Variants in SAMD8 observed in about 807,000 individuals in gnomAD.
SAMD8 encodes the protein sterile alpha motif domain containing 8, also known as sphingomyelin synthase-related protein 1.
In SAMD8, 20 loss-of-function variants were observed where a neutral mutation model predicts 42.0. The observed-to-expected ratio is 0.48, with a 90% CI of 0.34 to 0.69. The LOEUF (loss-of-function observed/expected upper bound fraction) is 0.69, where lower values mean the gene tolerates loss of function less well. Ranked by LOEUF, SAMD8 falls within the 30% of genes least tolerant of loss-of-function variation. The probability of loss-of-function intolerance (pLI) is 0.01; values close to 1 mark genes in which losing one functional copy is unlikely to be tolerated. For missense variants in SAMD8, 328 were observed against 511.6 expected (o/e 0.64, Z 3.46); for synonymous variants, 162 against 173.0 (o/e 0.94, Z 0.50).
intron 2 of SAMD8, among the ~76,000 whole-genome samples, chr10:75,156,168 C>T (rs1188436279): frequency 1.3e-5 from 2 of 152,166 alleles, no homozygotes; most frequent in Non-Finnish European, 2.9e-5. Context: ...TGTGATCATG[C>T]CACTGCACTC....
intron 3 of SAMD8, among the ~76,000 whole-genome samples, 170 bp downstream of exon 3, chr10:75,164,910 A>T (rs1285539075): frequency 6.6e-6 from 1 of 152,246 alleles, no homozygotes; most frequent in Non-Finnish European, 1.5e-5. Context: ...AGCCTAAGAT[A>T]ATATCTACAT....
At chr10:75,109,152 A>C (rs757442221), upstream of SAMD8, 1 of 1,589,560 alleles carries the variant, frequency 6.3e-7, no homozygotes, top group Non-Finnish European at 8.6e-7. Context: ...GAGAGGTCTC[A>C]GCCATGGGCC....
intron 2 of SAMD8, 129 bp from the exon 3 acceptor site, chr10:75,164,516 C>CA: frequency 7.2e-7 from 1 of 1,396,724 alleles, no homozygotes; most frequent in South Asian, 1.7e-5. Context: ...CTCCAAATAT[C>CA]ATTTTCTGTA....
intron 4 of SAMD8, among the ~76,000 whole-genome samples, chr10:75,172,760 T>G (rs912883574): frequency 1.3e-5 from 2 of 152,026 alleles, no homozygotes; most frequent in Admixed American, 1.3e-4. Flanking sequence ...CCTCCGAAAG[T>G]GCTGGGATTA....
intron 1 of SAMD8, among the ~76,000 whole-genome samples, chr10:75,103,225 G>C (rs1291331024): frequency 6.6e-6 from 1 of 152,346 alleles, no homozygotes; most frequent in East Asian, 1.9e-4. Context: ...CATGTAAACT[G>C]GTGGCATTGC....
intron 1 of SAMD8, among the ~76,000 whole-genome samples, chr10:75,144,562 G>GA (rs1840092350): frequency 6.6e-6 from 1 of 152,118 alleles, no homozygotes; most frequent in Admixed American, 6.5e-5. Flanking sequence ...CCATGTTGTA[G>GA]CATGCGTCAG....
chr10:75,125,866 G>A (rs1473224834), intron 1 of SAMD8: 1 of 152,172 alleles, frequency 6.6e-6, no homozygotes, highest in Non-Finnish European at 1.5e-5. Flanking sequence ...ACCAAAGTCC[G>A]TATAAGGAGC....
chr10:75,170,240 A>G (rs900554856), intron 4 of SAMD8, among the ~76,000 whole-genome samples: 1 of 152,234 alleles, frequency 6.6e-6, no homozygotes, highest in African/African-American at 2.4e-5. Context: ...CTATGCTTTA[A>G]TTCTGTGTTC....
intron 3 of SAMD8, 57 bp from the exon 4 acceptor site, chr10:75,168,484 G>A: frequency 3.8e-6 from 6 of 1,592,236 alleles, no homozygotes; most frequent in Non-Finnish European, 5.1e-6. Flanking sequence ...TTGATGCCTG[G>A]GGTTTTTTGG....
intron 1 of SAMD8, among the ~76,000 whole-genome samples, chr10:75,121,478 A>G (rs575382646): frequency 6.6e-6 from 1 of 152,294 alleles, no homozygotes; most frequent in African/African-American, 2.4e-5. Flanking sequence ...ACAAAACACA[A>G]CACGTTTAAT....
In SAMD8 at chr10:75,144,030, C is replaced by T. The variant is rs192233091; in HGVS notation, c.-15-6484C>T. On this transcript the variant is annotated intron_variant, in intron 1 of 5. Transcript: ENST00000542569. ...TCACCCAGGCTGAAGTGCAGTGGCA[C>T]GATCTCGGCTCACTGCAACCTCTGC... Among the ~76,000 whole-genome samples, 740 of 150,320 alleles carry T rather than the reference C, an allele frequency of 4.9e-3. 3 individuals carry two copies. Among genetic ancestry groups the T allele is most frequent in the African/African-American group, 0.017 (701 of 40,844 alleles).
At chr10:75,172,303 C>T (rs1184990691) in intron 4 of SAMD8, among the ~76,000 whole-genome samples, 2 of 151,954 alleles carry the variant, frequency 1.3e-5, no homozygotes, top group East Asian at 3.9e-4. Flanking sequence ...AAATAGTATT[C>T]TAGTTGATTA....
At chr10:75,108,223 G>A, upstream of SAMD8, 1 of 1,584,276 alleles carries the variant, frequency 6.3e-7, no homozygotes, top group Admixed American at 1.7e-5. Flanking sequence ...GGGAGGGCAG[G>A]AAGGGCACTT....
chr10:75,150,708 A>T lies in SAMD8; in HGVS notation c.180A>T (p.Lys60Asn), dbSNP rs577849999. 3.5e-5 allele frequency: 56 copies of T among 1,614,234 alleles called. 1 individual carries two copies. The South Asian group carries it at 6.1e-4, about 18-fold the overall frequency. ...YDLRSPPLEI[K>N]VLGDIKRLML... ...TCCGGTCTCCTCCTCTGGAAATCAA[A>T]GTCTTAGGGGACATTAAAAGGTTAA... Residue 60 changes from lysine (K) to asparagine (N), a missense_variant, in exon 2 of 6, where the codon AAA (lysine) becomes AAT (asparagine). Lys to Asn is a moderately conservative substitution (Grantham distance 94). Coordinates refer to ENST00000542569, the MANE Select transcript of SAMD8 (RefSeq NM_001174156.2).
chr10:75,135,455 A>C (rs1849373044), intron 1 of SAMD8, among the ~76,000 whole-genome samples: 1 of 64,384 alleles, frequency 1.6e-5, no homozygotes, highest in Non-Finnish European at 2.8e-5. Flanking sequence ...TTCCATCTCA[A>C]AAAAAAAAAA....
rs781129439 is a variant in SAMD8 at position 75,102,004 on chromosome 10, T to G, written c.-16+2276T>G. The G allele has an allele frequency of 1.3e-5, 17 of 1,311,930 alleles. No homozygotes were observed. In the Admixed American group the frequency reaches 1.6e-4, roughly 12 times the overall value. The allele number at this position is 1,311,930 out of a possible 1,614,324, so 81.3% of individuals were successfully genotyped here. On this transcript the variant is annotated intron_variant, in intron 1 of 3. Coordinates refer to the SAMD8 transcript ENST00000447533. ...TTTAATTATAAAGCATGCTGTCTAC[T>G]CCCCTCTTCCAGCCTCCCCTGCCAC...
In SAMD8 at chr10:75,177,726, A is replaced by G. The variant is rs931957752; in HGVS notation, c.*1034A>G. On this transcript the variant is annotated 3_prime_UTR_variant, in exon 6 of 6. Transcript: ENST00000542569. ...TAAACAGTCTCAGACATACTTGGAT[A>G]TGAAAAAGTTTCGTTGTTTTTTACT... The G allele has an allele frequency of 1.3e-5, 2 of 152,250 alleles. No homozygotes were observed. The highest frequency in any genetic ancestry group is 4.8e-5 in the African/African-American group (2 of 41,470). 9.4% of individuals were successfully genotyped at this position (152,250 alleles called of 1,614,324 possible).
chr10:75,164,573 C>T, intron 2 of SAMD8, 72 bp from the exon 3 acceptor site: 1 of 1,547,800 alleles, frequency 6.5e-7, no homozygotes, highest in African/African-American at 1.4e-5. Flanking sequence ...ATTAAAAGAG[C>T]ACCTTACTGA....
intron 1 of SAMD8, among the ~76,000 whole-genome samples, chr10:75,121,794 C>T (rs1344136763): frequency 6.6e-6 from 1 of 151,984 alleles, no homozygotes; most frequent in Non-Finnish European, 1.5e-5. Flanking sequence ...CAGGTTCAAG[C>T]GATTCTCCTG....
Sources: gnomAD v4.1 joint callset for allele counts (sites outside exome capture counted in the v4.1 genomes callset) on GRCh38, gnomAD v4.1.1 for gene constraint, MANE v1.5 for transcripts, NCBI Gene and HGNC (gene_info 2026-07-23, HGNC 2026-07-21) for gene names.